WDR49: variants seen among roughly 807,000 people sequenced by gnomAD.
WDR49 encodes the protein WD repeat domain 49, also known as cilia- and flagella-associated protein 337.
In WDR49, 107 loss-of-function variants were observed where a neutral mutation model predicts 119.5. That is an observed-to-expected ratio of 0.90 (90% confidence interval 0.77 to 1.05). The LOEUF (loss-of-function observed/expected upper bound fraction) is 1.05. WDR49 is among the 50% of genes least tolerant of loss of function. The pLI is 0.00. For synonymous variants in WDR49, 425 were observed against 418.8 expected (o/e 1.01, Z -0.18); for missense variants, 1,240 against 1,220.5 (o/e 1.02, Z -0.24).
chr3:167,484,785 CG>C (rs1302653984), intron 18 of WDR49, among the ~76,000 whole-genome samples: 1 of 150,236 alleles, frequency 6.7e-6, no homozygotes, highest in East Asian at 2.0e-4. Context: ...TGGAATACCA[CG>C]GGTAAAAAAA....
intron 18 of WDR49, among the ~76,000 whole-genome samples, chr3:167,494,091 G>C (rs1346332308): frequency 6.6e-6 from 1 of 152,092 alleles, no homozygotes; most frequent in Non-Finnish European, 1.5e-5. Flanking sequence ...ATCATCTAGT[G>C]AATGGTTAGT....
intron 10 of WDR49, among the ~76,000 whole-genome samples, chr3:167,553,968 A>T (rs1400343704): frequency 6.6e-6 from 1 of 152,144 alleles, no homozygotes; most frequent in African/African-American, 2.4e-5. Context: ...CATTAAGGTC[A>T]TAATTCTATA....
chr3:167,506,829 G>T (rs563690960), intron 16 of WDR49, among the ~76,000 whole-genome samples: 98 of 152,210 alleles, frequency 6.4e-4, no homozygotes, highest in African/African-American at 2.2e-3. Context: ...TGTTTATTAT[G>T]ATCTTGATAG....
intron 18 of WDR49, 83 bp downstream of exon 18, chr3:167,500,070 T>C (rs1751498995): frequency 1.4e-6 from 2 of 1,395,496 alleles, no homozygotes; most frequent in South Asian, 3.4e-5. Flanking sequence ...ACACTTGTTA[T>C]TTTCATGCTC....
At chr3:167,591,419 C>T (rs2108296343) in intron 7 of WDR49, among the ~76,000 whole-genome samples, 1 of 152,054 alleles carries the variant, frequency 6.6e-6, no homozygotes, top group Middle Eastern at 3.4e-3. Context: ...TCTATTAGGT[C>T]CATTTCTTCT....
chr3:167,531,207 G>C lies in WDR49; in HGVS notation c.2126C>G (p.Thr709Arg), dbSNP rs151083851. 6 of 1,611,606 alleles carry C rather than the reference G, an allele frequency of 3.7e-6. No homozygotes were observed. The highest frequency in any genetic ancestry group is 5.1e-6 in the Non-Finnish European group (6 of 1,179,578). The change falls in exon 13 of 19, where the codon ACG becomes AGG. Residue 709 changes from threonine (T) to arginine (R), a missense_variant. Thr to Arg is a moderately conservative substitution (Grantham distance 71). Transcript: ENST00000682715. ...GTCAATCTCAAAGTTGCGGACTCCC[G>C]TGGTAGAATGGTCTGCCATGGGGTG... is the stretch of plus-strand genomic sequence containing the variant. ...PSHPMADHST[T>R]GVRNFEIDTE...
Position 167,569,797 on chromosome 3 carries a change from C to T in WDR49, c.1509+6121G>A, listed in dbSNP as rs578231143. ...ATTCACTTGTTTAAGAGTAGAATAG[C>T]CCTTAAACATTGTGGAAGTCGTAAA... On this transcript the variant is annotated intron_variant, in intron 8 of 18. Transcript: ENST00000682715. Among the ~76,000 whole-genome samples the T allele has an allele frequency of 3.3e-5, 5 of 152,108 alleles. No individual in the cohort carries two copies. In the South Asian group the frequency reaches 1.0e-3, roughly 32 times the overall value.
intron 18 of WDR49, among the ~76,000 whole-genome samples, chr3:167,496,459 C>T (rs1010721208): frequency 3.9e-5 from 6 of 151,974 alleles, no homozygotes; most frequent in African/African-American, 7.2e-5. Flanking sequence ...TATCATCCCC[C>T]GCTATTTTTT....
In WDR49 at chr3:167,538,936, G is replaced by A. The variant is rs146278253; in HGVS notation, c.1824-1936C>T. Among the ~76,000 whole-genome samples the A allele has an allele frequency of 2.6e-5, 4 of 152,188 alleles. No individual in the cohort carries two copies. In the East Asian group the frequency reaches 7.7e-4, roughly 29 times the overall value. On this transcript the variant is annotated intron_variant, in intron 10 of 18. Transcript: ENST00000682715. ...TAGTATATGATAAAATTCAAATGTG[G>A]AGCTCTGTTATTTAAGACCCAATAA...
intron 16 of WDR49, among the ~76,000 whole-genome samples, chr3:167,516,815 A>C (rs62277764): frequency 1.3e-3 from 198 of 152,114 alleles, no homozygotes; most frequent in African/African-American, 4.3e-3. Flanking sequence ...GCAATCTACT[A>C]ATCTGACAAA....
chr3:167,522,290 C>T, intron 16 of WDR49, 25 bp downstream of exon 16: 1 of 1,551,502 alleles, frequency 6.4e-7, no homozygotes, highest in South Asian at 1.2e-5. Flanking sequence ...CAGTTGACAT[C>T]TGGCTAATGT....
intron 7 of WDR49, among the ~76,000 whole-genome samples, chr3:167,597,241 G>A (rs909900889): frequency 9.9e-5 from 15 of 152,164 alleles, no homozygotes; most frequent in Non-Finnish European, 1.6e-4. Flanking sequence ...GTACAGCTAG[G>A]GCTGTTACTT....
Position 167,604,583 on chromosome 3 carries a change from A to G in WDR49, c.959-115T>C, listed in dbSNP as rs903733033. ...AAAATTAAACTCAAACTATGATGAT[A>G]CAAACTGATACTTAAAAAACACCTC... is the stretch of plus-strand genomic sequence containing the variant. On this transcript the variant is annotated intron_variant, in intron 5 of 18. Transcript: ENST00000682715. 15 of 1,012,884 alleles carry G rather than the reference A, an allele frequency of 1.5e-5. No individual in the cohort carries two copies. The African/African-American group carries it at 2.1e-4, about 14-fold the overall frequency. 62.7% of individuals were successfully genotyped at this position (1,012,884 alleles called of 1,614,324 possible).
chr3:167,485,040 G>T (rs929574326), intron 18 of WDR49, among the ~76,000 whole-genome samples: 3 of 152,162 alleles, frequency 2.0e-5, no homozygotes, highest in East Asian at 3.9e-4. Flanking sequence ...CATGTCCTTT[G>T]CAGGGACATG....
At chr3:167,607,828 C>T (rs188426299) in intron 5 of WDR49, among the ~76,000 whole-genome samples, 5 of 152,114 alleles carry the variant, frequency 3.3e-5, no homozygotes, top group Non-Finnish European at 7.3e-5. Flanking sequence ...CTGATCCCCA[C>T]GGGAACAGTA....
intron 2 of WDR49, among the ~76,000 whole-genome samples, chr3:167,631,769 C>A (rs574077904): frequency 6.6e-6 from 1 of 152,162 alleles, no homozygotes; most frequent in Non-Finnish European, 1.5e-5. Flanking sequence ...AGGTACTTCA[C>A]TGCTAAGCCA....
At chr3:167,496,340 T>C (rs1181719210) in intron 18 of WDR49, among the ~76,000 whole-genome samples, 6 of 152,156 alleles carry the variant, frequency 3.9e-5, no homozygotes, top group African/African-American at 1.2e-4. Flanking sequence ...AGCCTCATTT[T>C]CTTCATGCTC....
At chr3:167,601,943 G>A (rs189904752) in intron 7 of WDR49, among the ~76,000 whole-genome samples, 184 bp downstream of exon 7, 7 of 152,182 alleles carry the variant, frequency 4.6e-5, no homozygotes, top group African/African-American at 1.7e-4. Flanking sequence ...CACTTGTCTA[G>A]GACTACTGTT....
Position 167,627,226 on chromosome 3 carries a change from C to A in WDR49, c.232G>T (p.Val78Phe), listed in dbSNP as rs567457976. Residue 78 changes from valine (V) to phenylalanine (F), a missense_variant, in exon 3 of 19, where the codon GTT becomes TTT. Val to Phe is a conservative substitution (Grantham distance 50). Transcript: ENST00000682715. ...EDFTQKMTEI[V>F]GWGTKEEYGE... The stretch of plus-strand genomic sequence containing the variant: ...TATTCTTCCTTCGTGCCCCAACCAA[C>A]AATCTCTGTCATCTTCTGCGTGAAG... 19 of 1,253,348 alleles carry A rather than the reference C, an allele frequency of 1.5e-5. No individual in the cohort carries two copies. The South Asian group carries it at 4.0e-4, about 26-fold the overall frequency. The allele number at this position is 1,253,348 out of a possible 1,614,324, so 77.6% of individuals were successfully genotyped here.
Sources: gnomAD v4.1 joint callset for allele counts (sites outside exome capture counted in the v4.1 genomes callset) on GRCh38, gnomAD v4.1.1 for gene constraint, MANE v1.5 for transcripts, NCBI Gene and HGNC (gene_info 2026-07-23, HGNC 2026-07-21) for gene names.